Variants in WWOX observed in about 807,000 individuals in gnomAD.
WWOX encodes the protein WW domain containing oxidoreductase.
WWOX carries 69 observed loss-of-function variants against 46.2 expected under a neutral mutation model. That is an observed-to-expected ratio of 1.49 (90% CI 1.23 to 1.82). WWOX has a LOEUF of 1.82. Ranked by LOEUF, WWOX falls within the 40% of genes most tolerant of loss-of-function variation. WWOX has a pLI of 0.00. For synonymous variants in WWOX, 359 were observed against 202.6 expected, an observed-to-expected ratio of 1.77 and a Z score of -6.56; for missense variants, 919 against 542.6, an observed-to-expected ratio of 1.69 and a Z score of -6.89.
At chr16:78,217,183 A>G (rs1386934265) in intron 5 of WWOX, among the ~76,000 whole-genome samples, 3 of 152,192 alleles carry the variant, frequency 2.0e-5, no homozygotes, top group Non-Finnish European at 4.4e-5. Context: ...ACAACGTGAG[A>G]GCCCATTGCC....
intron 8 of WWOX, among the ~76,000 whole-genome samples, chr16:78,566,320 A>G (rs982620149): frequency 1.2e-4 from 19 of 152,228 alleles, no homozygotes; most frequent in African/African-American, 3.6e-4. Flanking sequence ...CATTTAGTCC[A>G]TAACAACTAT....
chr16:78,194,790 C>G (rs1482211423), intron 5 of WWOX, among the ~76,000 whole-genome samples: 1 of 134,752 alleles, frequency 7.4e-6, no homozygotes, highest in Non-Finnish European at 1.6e-5. Context: ...ACCATCAACC[C>G]TCTTAACTCC....
At chr16:78,470,373 G>A (rs1417525746) in intron 8 of WWOX, among the ~76,000 whole-genome samples, 6 of 152,100 alleles carry the variant, frequency 3.9e-5, no homozygotes, top group African/African-American at 1.4e-4. Context: ...AAATCACTTT[G>A]GATTCTCATT....
intron 8 of WWOX, among the ~76,000 whole-genome samples, chr16:78,811,783 T>G (rs778946013): frequency 1.1e-4 from 16 of 152,092 alleles, no homozygotes; most frequent in Non-Finnish European, 2.1e-4. Flanking sequence ...ACCATCCCAC[T>G]GATGGTCAGG....
At chr16:79,201,119 G>T (rs1276564118) in intron 8 of WWOX, among the ~76,000 whole-genome samples, 1 of 152,116 alleles carries the variant, frequency 6.6e-6, no homozygotes, top group Non-Finnish European at 1.5e-5. Context: ...TGTCATAGGT[G>T]TCAAAGACAG....
chr16:78,902,276 CTT>C (rs576838406), intron 8 of WWOX, among the ~76,000 whole-genome samples: 25 of 152,314 alleles, frequency 1.6e-4, no homozygotes, highest in Admixed American at 1.3e-3. Flanking sequence ...GCCTTTGTAT[CTT>C]TTTCAGAACT....
intron 8 of WWOX, among the ~76,000 whole-genome samples, chr16:78,470,848 T>G (rs1362627254): frequency 6.6e-6 from 1 of 152,136 alleles, no homozygotes; most frequent in African/African-American, 2.4e-5. Context: ...CCACTGCTAT[T>G]GTCCAGTGTG....
intron 8 of WWOX, among the ~76,000 whole-genome samples, chr16:78,515,943 CTCAGTCAA>C (rs1264462170): frequency 2.6e-5 from 4 of 152,134 alleles, no homozygotes; most frequent in Non-Finnish European, 4.4e-5. Flanking sequence ...TCATTTGTCT[CTCAGTCAA>C]TCAGTCAATC....
At chr16:78,785,252 C>T (rs141139671) in intron 8 of WWOX, among the ~76,000 whole-genome samples, 6 of 152,318 alleles carry the variant, frequency 3.9e-5, no homozygotes, top group East Asian at 3.9e-4. Context: ...TAATTCTCTT[C>T]CCACCTTCGA....
At chr16:78,135,458 C>A (rs1441449237) in intron 4 of WWOX, among the ~76,000 whole-genome samples, 2 of 152,144 alleles carry the variant, frequency 1.3e-5, no homozygotes, top group Non-Finnish European at 2.9e-5. Context: ...AAGTTATCTT[C>A]AATTCAAATC....
At chr16:79,199,066 T>A (rs1325927503) in intron 8 of WWOX, among the ~76,000 whole-genome samples, 1 of 152,070 alleles carries the variant, frequency 6.6e-6, no homozygotes, top group South Asian at 2.1e-4. Context: ...GTGTTTTTAT[T>A]TTATTTTATT....
chr16:78,688,155 A>C (rs1399292680), intron 8 of WWOX, among the ~76,000 whole-genome samples: 1 of 152,142 alleles, frequency 6.6e-6, no homozygotes, highest in African/African-American at 2.4e-5. Context: ...TTTCAAATAT[A>C]AGCTAGAAAA....
chr16:78,124,483 A>G (rs1163349225), intron 4 of WWOX, among the ~76,000 whole-genome samples: 1 of 152,184 alleles, frequency 6.6e-6, no homozygotes, highest in Non-Finnish European at 1.5e-5. Flanking sequence ...AGCCTTCTCC[A>G]AAATAAGGTT....
intron 8 of WWOX, among the ~76,000 whole-genome samples, chr16:78,472,289 G>T (rs2084241736): frequency 6.6e-6 from 1 of 152,126 alleles, no homozygotes; most frequent in East Asian, 1.9e-4. Flanking sequence ...AATGTGGTCA[G>T]CCTCTTATCT....
intron 8 of WWOX, among the ~76,000 whole-genome samples, chr16:78,563,490 A>AAC (rs61298369): frequency 0.081 from 11,187 of 137,726 alleles, 497 homozygotes; most frequent in Non-Finnish European, 0.099. Flanking sequence ...CGTGTGGGTG[A>AAC]ACACACACAC....
chr16:78,663,171 G>A (rs935701874), intron 8 of WWOX, among the ~76,000 whole-genome samples: 6 of 152,002 alleles, frequency 3.9e-5, no homozygotes, highest in Admixed American at 1.3e-4. Flanking sequence ...TTATACCCCC[G>A]ATCTCTTGAC....
intron 8 of WWOX, chr16:78,899,251 T>G (rs1384672797): frequency 6.6e-6 from 1 of 152,202 alleles, no homozygotes; most frequent in African/African-American, 2.4e-5. Flanking sequence ...ATTTCTAGTT[T>G]GCTGAGAGTT....
chr16:78,935,555 A>G lies in WWOX; in HGVS notation c.1057-276053A>G, dbSNP rs767230094. Among the ~76,000 whole-genome samples, 56 of 148,582 alleles carry G rather than the reference A, an allele frequency of 3.8e-4. 1 individual carries two copies. Among genetic ancestry groups the G allele is most frequent in the Admixed American group, 2.3e-3 (34 of 14,896 alleles). ...CTCACTAATAGGTGGGAATTGAACA[A>G]TGAGAACACTTGGACACAGGAAGGG... is the stretch of plus-strand genomic sequence containing the variant. On this transcript the variant is annotated intron_variant, in intron 8 of 8. Transcript: ENST00000566780.
chr16:78,564,001 C>G (rs1418369898), intron 8 of WWOX, among the ~76,000 whole-genome samples: 2 of 152,172 alleles, frequency 1.3e-5, no homozygotes, highest in Admixed American at 6.5e-5. Context: ...GCTACGAACC[C>G]TTTTACTTCT....
Sources: allele counts gnomAD v4.1 joint callset (sites outside exome capture counted in the v4.1 genomes callset), GRCh38; gene constraint gnomAD v4.1.1; transcripts MANE v1.5; gene names NCBI Gene and HGNC (gene_info 2026-07-23, HGNC 2026-07-21).